The following THRAP3 variants were observed in gnomAD, a reference collection of about 807,000 sequenced individuals.
The protein encoded by THRAP3 is thyroid hormone receptor-associated protein 3.
THRAP3 carries 16 observed loss-of-function variants against 101.0 expected under a neutral mutation model. The ratio of observed to expected loss-of-function variants is 0.16; its 90% CI spans 0.11 to 0.24. THRAP3 has a LOEUF of 0.24. Ranked by LOEUF, THRAP3 falls within the 10% of genes least tolerant of loss-of-function variation. The probability of loss-of-function intolerance (pLI) is 1.00; values close to 1 mark genes in which losing one functional copy is unlikely to be tolerated. For synonymous variants in THRAP3, 407 were observed against 422.6 expected, an observed-to-expected ratio of 0.96 and a Z score of 0.45; for missense variants, 989 against 1,202.7, an observed-to-expected ratio of 0.82 and a Z score of 2.63.
intron 9 of THRAP3, among the ~76,000 whole-genome samples, chr1:36,297,566 A>C (rs1421853536): frequency 6.7e-6 from 1 of 148,830 alleles, no homozygotes; most frequent in African/African-American, 2.5e-5. Context: ...CTCCTGCCTC[A>C]GCCTCCTGAG....
intron 2 of THRAP3, among the ~76,000 whole-genome samples, chr1:36,275,602 A>G (rs75149510): frequency 1.0e-4 from 13 of 126,954 alleles, no homozygotes; most frequent in African/African-American, 1.8e-4. Flanking sequence ...AAAAAAAAAA[A>G]AAGTCTTCTT....
At chr1:36,275,116 T>TAGAC (rs1553122255) in intron 2 of THRAP3, among the ~76,000 whole-genome samples, 1 of 139,478 alleles carries the variant, frequency 7.2e-6, no homozygotes. Flanking sequence ...TACTAAAAAA[T>TAGAC]ACACACACAC....
chr1:36,229,407 T>G (rs1184781749), intron 1 of THRAP3, among the ~76,000 whole-genome samples: 3 of 19,160 alleles, frequency 1.6e-4, no homozygotes, highest in Non-Finnish European at 1.0e-3. Flanking sequence ...ACAGTTTTTT[T>G]TTTTGTTTTT....
the THRAP3 span, among the ~76,000 whole-genome samples, chr1:36,211,294 A>G: frequency 6.6e-6 from 1 of 151,922 alleles, no homozygotes. Context: ...CTAAGAGGTC[A>G]AGGCTGCAGT....
chr1:36,263,581 C>T (rs1226966176), intron 2 of THRAP3, among the ~76,000 whole-genome samples: 3 of 152,050 alleles, frequency 2.0e-5, no homozygotes, highest in South Asian at 4.2e-4. Context: ...AAAATATTCC[C>T]CAATGGTAAC....
At chr1:36,233,963 C>CTTTTTA (rs1429375729) in intron 1 of THRAP3, among the ~76,000 whole-genome samples, 1 of 151,616 alleles carries the variant, frequency 6.6e-6, no homozygotes, top group Non-Finnish European at 1.5e-5. Context: ...TTTTCTTTTT[C>CTTTTTA]TTTTTATTTT....
At position 36,293,401 on chromosome 1, in the gene THRAP3, T is replaced by C. The variant is rs564869242; in HGVS notation, c.2031-450T>C. ...GTTTAATCATGGGTAGTTGGATTCT[T>C]CTGGAAGAATTTGCCTGGGGGCTAG... On this transcript the variant is annotated intron_variant, in intron 7 of 11. Coordinates refer to ENST00000354618, the MANE Select transcript of THRAP3 (RefSeq NM_005119.4). Among the ~76,000 whole-genome samples, 945 of 152,322 alleles carry C rather than the reference T, an allele frequency of 6.2e-3. 10 individuals carry two copies. Among genetic ancestry groups the C allele is most frequent in the African/African-American group, 0.022 (894 of 41,566 alleles).
intron 11 of THRAP3, 91 bp downstream of exon 11, chr1:36,301,787 C>A: frequency 6.8e-7 from 1 of 1,471,210 alleles, no homozygotes. Flanking sequence ...TCCAAAACTG[C>A]GATTAAATGT....
chr1:36,294,246 G>A, intron 8 of THRAP3: 1 of 1,128,746 alleles, frequency 8.9e-7, no homozygotes, highest in Non-Finnish European at 1.1e-6. Flanking sequence ...CTGCTTGTAA[G>A]TATTATCAAA....
intron 11 of THRAP3, 139 bp downstream of exon 11, chr1:36,301,835 A>T: frequency 1.9e-6 from 2 of 1,077,992 alleles, no homozygotes; most frequent in Non-Finnish European, 2.6e-6. Flanking sequence ...GTGTACTTGC[A>T]TAGTGCTAAC....
the THRAP3 span, among the ~76,000 whole-genome samples, chr1:36,207,755 G>A: frequency 6.6e-6 from 1 of 152,122 alleles, no homozygotes; most frequent in African/African-American, 2.4e-5. Context: ...TAGGAAAGGA[G>A]ACATTCTGGC....
intron 1 of THRAP3, among the ~76,000 whole-genome samples, chr1:36,229,546 C>T (rs557117783): frequency 8.6e-5 from 13 of 151,402 alleles, no homozygotes; most frequent in African/African-American, 3.2e-4. Flanking sequence ...TTTGGTGAGT[C>T]CAATTTGACA....
chr1:36,256,188 G>GATTATTATT (rs141623060), intron 1 of THRAP3, among the ~76,000 whole-genome samples: 5,341 of 135,800 alleles, frequency 0.039, 355 homozygotes, highest in African/African-American at 0.14. Context: ...GGCCTGCCTG[G>GATTATTATT]ATTATTATTA....
chr1:36,286,142 A>G lies in THRAP3; in HGVS notation c.138-226A>G, dbSNP rs1645793548. ...ACCTCCATTTTAAATGTGCTGCAAT[A>G]TGAATGAAGTGACCTGTGTTTCATC... On this transcript the variant is annotated intron_variant, in intron 3 of 11. Coordinates refer to ENST00000354618, the MANE Select transcript of THRAP3 (RefSeq NM_005119.4). The surrounding 1 kb of genome is among the most constrained non-coding windows in gnomAD (Gnocchi z 5.5). Among the ~76,000 whole-genome samples the G allele has an allele frequency of 6.6e-6, 1 of 152,238 alleles. No homozygotes were observed. Among genetic ancestry groups the G allele is most frequent in the Non-Finnish European group, 1.5e-5 (1 of 68,040 alleles).
rs563932598 is a variant in THRAP3, at chr1:36,288,564, G to A, written c.1041-496G>A. ...GTGTTCACAGTATATTTCGTATTTA[G>A]ATCTTCTAGGTGACTTGAAGCAAAT... On this transcript the variant is annotated intron_variant, in intron 4 of 11. Transcript: ENST00000354618. 3.1e-5 allele frequency: 31 copies of A among 985,366 alleles called. No homozygotes were observed. The South Asian group carries it at 1.3e-3, about 40-fold the overall frequency. The allele number at this position is 985,366 out of a possible 1,614,324, so 61.0% of individuals were successfully genotyped here.
intron 1 of THRAP3, among the ~76,000 whole-genome samples, chr1:36,245,289 C>T (rs1451139506): frequency 6.6e-6 from 1 of 151,832 alleles, no homozygotes; most frequent in African/African-American, 2.4e-5. Context: ...GCCTCAACCT[C>T]CTGAGTAACT....
chr1:36,278,134 C>A (rs537389631), intron 2 of THRAP3, among the ~76,000 whole-genome samples: 2 of 148,050 alleles, frequency 1.4e-5, no homozygotes, highest in African/African-American at 5.0e-5. Flanking sequence ...GCGTGATCTT[C>A]GCTCACTGCA....
chr1:36,239,510 TC>T (rs1322730557), intron 1 of THRAP3, among the ~76,000 whole-genome samples: 1 of 152,040 alleles, frequency 6.6e-6, no homozygotes, highest in African/African-American at 2.4e-5. Context: ...CAAGTAATCC[TC>T]TCACCTCGGC....
chr1:36,214,060 A>C, the THRAP3 span, among the ~76,000 whole-genome samples: 30 of 139,754 alleles, frequency 2.1e-4, no homozygotes, highest in South Asian at 2.2e-3. Flanking sequence ...GAAAGAAAGA[A>C]AGAAAGACAA....
Sources: allele counts gnomAD v4.1 joint callset (sites outside exome capture counted in the v4.1 genomes callset), GRCh38; gene constraint gnomAD v4.1.1; non-coding constraint Gnocchi (gnomAD v3.1); transcripts MANE v1.5; gene names NCBI Gene and HGNC (gene_info 2026-07-23, HGNC 2026-07-21).